GFRA1: variants seen among roughly 807,000 people sequenced by gnomAD.
GFRA1 encodes GDNF family receptor alpha 1.
Under a neutral mutation model 51.6 loss-of-function variants are expected in GFRA1, and 16 were observed. The ratio of observed to expected loss-of-function variants is 0.31; its 90% CI spans 0.21 to 0.47. The LOEUF is 0.47. Ranked by LOEUF, GFRA1 falls within the 20% of genes least tolerant of loss-of-function variation. The pLI is 1.00. For missense variants in GFRA1, 530 were observed against 594.3 expected (o/e 0.89, Z 1.13); for synonymous variants, 270 against 241.3 (o/e 1.12, Z -1.10).
chr10:116,272,017 T>A lies in GFRA1; in HGVS notation c.13A>T (p.Thr5Ser). The change falls in exon 2 of 11, where the codon ACC (threonine) becomes TCC (serine). Residue 5 changes from threonine to serine, a missense_variant. Thr to Ser is a moderately conservative substitution (Grantham distance 58). Transcript: ENST00000355422. This position sits in a 1 kb window ranked among gnomAD's most constrained non-coding sequence, Gnocchi z 4.4. The stretch of plus-strand genomic sequence containing the variant: ...AAGAGCGGCAGCGCGAAGTACAGGG[T>A]CGCCAGGAACATGGTGCCGGCGCGG... MFLA[T>S]LYFALPLLDL... is the part of the protein sequence containing the mutation. 1 of 1,556,578 alleles carries A rather than the reference T, an allele frequency of 6.4e-7. No homozygotes were observed. The highest frequency in any genetic ancestry group is 8.7e-7 in the Non-Finnish European group (1 of 1,151,476).
chr10:116,146,710 A>C (rs4751954), intron 5 of GFRA1, among the ~76,000 whole-genome samples: 146,509 of 152,288 alleles, frequency 0.96, 70,528 homozygotes, highest in East Asian at 1. Context: ...GTATCCCCAA[A>C]ATCAACTGCC....
intron 5 of GFRA1, among the ~76,000 whole-genome samples, chr10:116,156,625 G>A (rs1249940255): frequency 6.6e-6 from 1 of 152,144 alleles, no homozygotes; most frequent in African/African-American, 2.4e-5. Context: ...AAAATAGCCT[G>A]ATAATCTGAT....
rs1844026220 is a variant in GFRA1, at chr10:116,272,366, G to A, written c.-246-91C>T. 2.3e-6 allele frequency: 1 copy of A among 437,168 alleles called. No homozygotes were observed. Among genetic ancestry groups the A allele is most frequent in the East Asian group, 4.6e-5 (1 of 21,872 alleles). The allele number at this position is 437,168 out of a possible 1,614,324, so 27.1% of individuals were successfully genotyped here. On this transcript the variant is annotated intron_variant, in intron 1 of 10. Coordinates refer to ENST00000355422, the MANE Select transcript of GFRA1 (RefSeq NM_005264.8). The surrounding 1 kb of genome is among the most constrained non-coding windows in gnomAD (Gnocchi z 4.4). Reference sequence around the variant, plus strand: ...CTCCCCTCCCCCGTTCCCGCCTTTGGGGAATTTCCAACACCGGGGTGAGGA... The same window carrying A: ...CTCCCCTCCCCCGTTCCCGCCTTTGAGGAATTTCCAACACCGGGGTGAGGA...
At chr10:116,235,959 T>C (rs1966865503) in intron 4 of GFRA1, among the ~76,000 whole-genome samples, 1 of 152,144 alleles carries the variant, frequency 6.6e-6, no homozygotes, top group Admixed American at 6.5e-5. Flanking sequence ...TCCATTGTTT[T>C]AGCCACCCAG....
At chr10:116,116,396 G>A (rs542386970) in intron 6 of GFRA1, among the ~76,000 whole-genome samples, 1 of 152,360 alleles carries the variant, frequency 6.6e-6, no homozygotes, top group African/African-American at 2.4e-5. Flanking sequence ...GTTGCTCTGC[G>A]ACAGCAAAGA....
At chr10:116,245,059 A>G (rs1967757055) in intron 4 of GFRA1, among the ~76,000 whole-genome samples, 1 of 152,200 alleles carries the variant, frequency 6.6e-6, no homozygotes, top group African/African-American at 2.4e-5. Context: ...AATATTGTAA[A>G]AATGCTAAAA....
chr10:116,090,065 T>A, intron 8 of GFRA1, 143 bp from the exon 9 acceptor site: 1 of 789,588 alleles, frequency 1.3e-6, no homozygotes. Context: ...CCATTTGCCC[T>A]ATACATGCTG....
intron 6 of GFRA1, among the ~76,000 whole-genome samples, chr10:116,109,154 G>A (rs1957104877): frequency 6.6e-6 from 1 of 152,158 alleles, no homozygotes; most frequent in African/African-American, 2.4e-5. Context: ...GAGGACACGA[G>A]GTCCCAGAGA....
At chr10:116,067,741 T>G (rs1486013299) in intron 9 of GFRA1, among the ~76,000 whole-genome samples, 1 of 152,202 alleles carries the variant, frequency 6.6e-6, no homozygotes, top group Admixed American at 6.5e-5. Flanking sequence ...TAGGTAGATT[T>G]CTGACCCTCA....
At chr10:116,201,719 G>T (rs541265431) in intron 5 of GFRA1, among the ~76,000 whole-genome samples, 40 of 152,160 alleles carry the variant, frequency 2.6e-4, no homozygotes, top group Non-Finnish European at 4.3e-4. Flanking sequence ...AACAGAGGCA[G>T]TATCTGCTAA....
At chr10:116,078,274 G>C (rs556463946) in intron 9 of GFRA1, among the ~76,000 whole-genome samples, 5 of 152,306 alleles carry the variant, frequency 3.3e-5, no homozygotes, top group African/African-American at 1.2e-4. Context: ...CTTTGAAAAT[G>C]CTCTATAAGC....
Position 116,272,448 on chromosome 10 carries a change from G to A in GFRA1, c.-246-173C>T, listed in dbSNP as rs996641516. On this transcript the variant is annotated intron_variant, in intron 1 of 10. Transcript: ENST00000355422. This position sits in a 1 kb window ranked among gnomAD's most constrained non-coding sequence, Gnocchi z 4.4. ...GTGTTTTCCAGGGGCCGCTGACACG[G>A]GGATGGAGGTGAGGGCTGGAGAGGT... 6.4e-6 allele frequency: 2 copies of A among 310,188 alleles called. No homozygotes were observed. Among genetic ancestry groups the A allele is most frequent in the Non-Finnish European group, 1.2e-5 (2 of 160,734 alleles). 19.2% of individuals were successfully genotyped at this position (310,188 alleles called of 1,614,324 possible). A position where few individuals can be genotyped will look rare whatever the true frequency, so the allele number is the denominator to read the frequency against.
intron 6 of GFRA1, among the ~76,000 whole-genome samples, chr10:116,108,157 T>C (rs1957073177): frequency 6.6e-6 from 1 of 152,190 alleles, no homozygotes; most frequent in South Asian, 2.1e-4. Context: ...AGATTCCCTA[T>C]TAATCTTTAA....
intron 5 of GFRA1, among the ~76,000 whole-genome samples, chr10:116,144,866 T>G (rs1565607855): frequency 6.6e-6 from 1 of 151,934 alleles, no homozygotes; most frequent in Non-Finnish European, 1.5e-5. Context: ...GTTAAAATTT[T>G]GGCCAAGGTT....
intron 5 of GFRA1, among the ~76,000 whole-genome samples, chr10:116,184,621 C>T (rs1231549030): frequency 6.6e-6 from 1 of 152,214 alleles, no homozygotes; most frequent in Admixed American, 6.5e-5. Context: ...GGAGGTGGCA[C>T]TACAGGTGGG....
chr10:116,131,450 A>G (rs7085306), intron 5 of GFRA1, among the ~76,000 whole-genome samples: 55,993 of 151,984 alleles, frequency 0.37, 10,504 homozygotes, highest in East Asian at 0.41. Context: ...AAAAGACTTG[A>G]ACAAGAATAT....
At chr10:116,122,314 G>A (rs1271489638) in intron 6 of GFRA1, among the ~76,000 whole-genome samples, 1 of 152,150 alleles carries the variant, frequency 6.6e-6, no homozygotes, top group Non-Finnish European at 1.5e-5. Flanking sequence ...GGTGGCTGCT[G>A]TCCACTCCAG....
intron 5 of GFRA1, among the ~76,000 whole-genome samples, chr10:116,153,615 C>T (rs1959142378): frequency 6.6e-6 from 1 of 152,110 alleles, no homozygotes; most frequent in Non-Finnish European, 1.5e-5. Context: ...CAAGTGTGGA[C>T]ATAAACAATA....
chr10:116,066,947 G>C (rs989441598), intron 9 of GFRA1, among the ~76,000 whole-genome samples: 5 of 152,226 alleles, frequency 3.3e-5, no homozygotes, highest in African/African-American at 1.2e-4. Flanking sequence ...TAAAATGATA[G>C]CATGTTCACC....
Sources: allele counts gnomAD v4.1 joint callset (sites outside exome capture counted in the v4.1 genomes callset), GRCh38; gene constraint gnomAD v4.1.1; non-coding constraint Gnocchi (gnomAD v3.1); transcripts MANE v1.5; gene names NCBI Gene and HGNC (gene_info 2026-07-23, HGNC 2026-07-21).